Variants in TPP2 observed in about 807,000 individuals in gnomAD.
TPP2 encodes tripeptidyl peptidase 2.
A neutral mutation model predicts 155.9 loss-of-function variants in TPP2; 34 were observed. The ratio of observed to expected loss-of-function variants is 0.22; its 90% confidence interval spans 0.17 to 0.29. The LOEUF (loss-of-function observed/expected upper bound fraction) is 0.29, where lower values mean the gene tolerates loss of function less well. Among genes scored for constraint, TPP2 ranks in the 10% least tolerant of loss-of-function variants. The probability of loss-of-function intolerance (pLI) is 1.00; values close to 1 mark genes in which losing one functional copy is unlikely to be tolerated. For missense variants in TPP2, 1,028 were observed against 1,522.3 expected, an observed-to-expected ratio of 0.68 and a Z score of 5.40; for synonymous variants, 510 against 529.4, an observed-to-expected ratio of 0.96 and a Z score of 0.50.
chr13:102,607,740 T>A, intron 2 of TPP2: 1 of 403,154 alleles, frequency 2.5e-6, no homozygotes, highest in South Asian at 1.7e-5. Flanking sequence ...GCATGCGCCA[T>A]GACACTTGGC....
At position 102,604,579 on chromosome 13, in the gene TPP2, G is replaced by A. The variant is rs555399692; in HGVS notation, c.166-214G>A. ...AATGCTCAGTAAATATTTGTTTATT[G>A]AATATATGAAACGACTTGAAGGATT... On this transcript the variant is annotated intron_variant, in intron 1 of 29. Coordinates refer to ENST00000376052, the MANE Select transcript of TPP2 (RefSeq NM_001330588.2). Among the ~76,000 whole-genome samples the A allele has an allele frequency of 2.6e-5, 4 of 152,230 alleles. No homozygotes were observed. In the South Asian group the frequency reaches 8.3e-4, roughly 32 times the overall value.
At position 102,678,410 on chromosome 13, in the gene TPP2, T is replaced by G; in HGVS notation, c.*94T>G. 3 of 1,007,100 alleles carry G rather than the reference T, an allele frequency of 3.0e-6. No homozygotes were observed. The South Asian group carries it at 4.2e-5, about 14-fold the overall frequency. The allele number at this position is 1,007,100 out of a possible 1,614,324, so 62.4% of individuals were successfully genotyped here. On this transcript the variant is annotated 3_prime_UTR_variant, in exon 30 of 30. Transcript: ENST00000376052. ...TGGCATTTTTAGTCTAATGCATGTT[T>G]TCATCCACTATCCAGTACTGATTAT...
rs758298408 is a variant in TPP2 at position 102,644,522 on chromosome 13, GAA to G, written c.2176-32_2176-31del. 6.0e-6 allele frequency: 9 copies of G among 1,488,972 alleles called. No individual in the cohort carries two copies. In the African/African-American group the frequency reaches 1.1e-4, roughly 19 times the overall value. 92.2% of individuals were successfully genotyped at this position (1,488,972 alleles called of 1,614,324 possible). A position where few individuals can be genotyped will look rare whatever the true frequency, so the allele number is the denominator to read the frequency against. ...ATATTCTGTAATTTGAGAAAAATAA[GAA>G]AAGAGATATATTTTATTTACTTTTA... is the stretch of plus-strand genomic sequence containing the variant. On this transcript the variant is annotated intron_variant, in intron 17 of 29. Transcript: ENST00000376052.
At chr13:102,653,082 G>A (rs1279546014) in intron 24 of TPP2, among the ~76,000 whole-genome samples, 1 of 152,118 alleles carries the variant, frequency 6.6e-6, no homozygotes, top group African/African-American at 2.4e-5. Context: ...GAATGAATAG[G>A]AAGGCATTTA....
At chr13:102,605,329 G>A (rs1048716116) in intron 2 of TPP2, among the ~76,000 whole-genome samples, 2 of 152,202 alleles carry the variant, frequency 1.3e-5, no homozygotes, top group South Asian at 2.1e-4. Context: ...GAGTCCCCAC[G>A]ATGAAAGCCA....
chr13:102,674,596 C>G, intron 28 of TPP2, 106 bp downstream of exon 28: 1 of 1,098,320 alleles, frequency 9.1e-7, no homozygotes, highest in Non-Finnish European at 1.3e-6. Context: ...TGGAAAGAAT[C>G]TACGCTGGGC....
chr13:102,649,574 G>T, intron 23 of TPP2, 88 bp downstream of exon 23: 1 of 1,177,910 alleles, frequency 8.5e-7, no homozygotes, highest in Non-Finnish European at 1.2e-6. Context: ...TTTCAGAATG[G>T]ATAAAAGAGA....
At chr13:102,657,729 C>T (rs1247388763) in intron 25 of TPP2, among the ~76,000 whole-genome samples, 1 of 152,024 alleles carries the variant, frequency 6.6e-6, no homozygotes, top group African/African-American at 2.4e-5. Context: ...CATGATGCTG[C>T]GATAAACATT....
rs5806315 is a variant in TPP2 at position 102,640,641 on chromosome 13, A to ATTTTTTTTTTT, written c.2020+283_2020+293dup. Among the ~76,000 whole-genome samples, 59 of 84,234 alleles carry ATTTTTTTTTTT rather than the reference A, an allele frequency of 7.0e-4. 5 individuals carry two copies. Among genetic ancestry groups the ATTTTTTTTTTT allele is most frequent in the Non-Finnish European group, 9.8e-4 (46 of 47,056 alleles). The allele number at this position is 84,234 out of a possible 152,430, so 55.3% of individuals were successfully genotyped here. A position where few individuals can be genotyped will look rare whatever the true frequency, so the allele number is the denominator to read the frequency against. ...TAGAATAATGCCTTACCTGGTAATAATTTTTTTTTTTTTTTTTTTTTTTTT... is the reference window on the plus strand; with the variant it reads ...TAGAATAATGCCTTACCTGGTAATAATTTTTTTTTTTTTTTTTTTTTTTTTTTTTTTTTTTT... On this transcript the variant is annotated intron_variant, in intron 16 of 29. Coordinates refer to ENST00000376052, the MANE Select transcript of TPP2 (RefSeq NM_001330588.2).
At position 102,636,291 on chromosome 13, in the gene TPP2, C is replaced by A; in HGVS notation, c.1577C>A (p.Thr526Asn). 1.2e-6 allele frequency: 2 copies of A among 1,613,856 alleles called. No individual in the cohort carries two copies. Among genetic ancestry groups the A allele is most frequent in the East Asian group, 2.2e-5 (1 of 44,874 alleles). ...GCTAATAAATTAGGTTTTACTGTTACTGTTGGAAATAACCGTGGCATCTAC... is the reference window on the plus strand; with the variant it reads ...GCTAATAAATTAGGTTTTACTGTTAATGTTGGAAATAACCGTGGCATCTAC... ...SFANKLGFTV[T>N]VGNNRGIYLR... The change falls in exon 13 of 30, where the codon ACT (threonine) becomes AAT (asparagine). Residue 526 changes from threonine (T) to asparagine (N), a missense_variant. This residue lies in a region of TPP2 where 325 missense variants were observed against 463.7 expected (regional missense o/e 0.70). Coordinates refer to ENST00000376052, the MANE Select transcript of TPP2 (RefSeq NM_001330588.2).
At position 102,639,787 on chromosome 13, in the gene TPP2, A is replaced by C. The variant is rs183646715; in HGVS notation, c.1914-483A>C. Reference sequence around the variant, plus strand: ...ACTTTATTTCATTGATTTCTTACAAAAGTGCTTTGAAAGTAGTTTGCCTTT... The same window carrying C: ...ACTTTATTTCATTGATTTCTTACAACAGTGCTTTGAAAGTAGTTTGCCTTT... On this transcript the variant is annotated intron_variant, in intron 15 of 29. Coordinates refer to ENST00000376052, the MANE Select transcript of TPP2 (RefSeq NM_001330588.2). Among the ~76,000 whole-genome samples, 278 of 152,304 alleles carry C rather than the reference A, an allele frequency of 1.8e-3. 1 individual carries two copies. The highest frequency in any genetic ancestry group is 2.7e-3 in the Non-Finnish European group (181 of 68,032).
chr13:102,613,056 G>T (rs1566323000), intron 2 of TPP2, among the ~76,000 whole-genome samples: 1 of 152,186 alleles, frequency 6.6e-6, no homozygotes, highest in Non-Finnish European at 1.5e-5. Context: ...TTAAAGTTCA[G>T]AATTCCTATT....
chr13:102,675,277 G>A (rs1323941475), intron 28 of TPP2, among the ~76,000 whole-genome samples: 1 of 152,118 alleles, frequency 6.6e-6, no homozygotes, highest in Non-Finnish European at 1.5e-5. Context: ...ATTTAAAGAA[G>A]GTACTCAGTT....
intron 2 of TPP2, among the ~76,000 whole-genome samples, chr13:102,612,794 TTA>T (rs1194555490): frequency 2.6e-5 from 4 of 152,200 alleles, no homozygotes; most frequent in African/African-American, 9.7e-5. Context: ...TTATTGTACT[TTA>T]TGTTTTTTTA....
chr13:102,625,109 C>T (rs6491700), intron 6 of TPP2, among the ~76,000 whole-genome samples: 71,554 of 146,100 alleles, frequency 0.49, 17,935 homozygotes, highest in African/African-American at 0.59. Context: ...CCACCCGCCT[C>T]GGCCTCCCAA....
At chr13:102,646,634 C>T (rs1273825645) in intron 20 of TPP2, among the ~76,000 whole-genome samples, 1 of 152,192 alleles carries the variant, frequency 6.6e-6, no homozygotes, top group African/African-American at 2.4e-5. Context: ...TATAAAATCA[C>T]TGATCACTGT....
In TPP2 at chr13:102,629,337, A is replaced by G. The variant is rs1486230149; in HGVS notation, c.1017-145A>G. 3.3e-6 allele frequency: 3 copies of G among 899,142 alleles called. No individual in the cohort carries two copies. In the East Asian group the frequency reaches 9.5e-5, roughly 28 times the overall value. The allele number at this position is 899,142 out of a possible 1,614,324, so 55.7% of individuals were successfully genotyped here. ...CTACCCTAAAGCCCAAGTAGGGTAT[A>G]TCACTTAGAATGGCTGTATCATGTT... is the stretch of plus-strand genomic sequence containing the variant. On this transcript the variant is annotated intron_variant, in intron 8 of 29. Transcript: ENST00000376052.
chr13:102,677,981 A>G (rs1445209540), intron 29 of TPP2, among the ~76,000 whole-genome samples: 1 of 152,150 alleles, frequency 6.6e-6, no homozygotes, highest in Non-Finnish European at 1.5e-5. Flanking sequence ...TTAATAGGAA[A>G]GAGGGAAAAG....
intron 2 of TPP2, among the ~76,000 whole-genome samples, chr13:102,607,346 G>A (rs777782619): frequency 1.1e-4 from 16 of 152,180 alleles, no homozygotes; most frequent in Admixed American, 2.6e-4. Context: ...CTTTCTGAGT[G>A]CCAACATGAC....
Sources: allele counts gnomAD v4.1 joint callset (sites outside exome capture counted in the v4.1 genomes callset), GRCh38; gene constraint gnomAD v4.1.1; regional missense constraint gnomAD v4.1.1; transcripts MANE v1.5; gene names NCBI Gene and HGNC (gene_info 2026-07-23, HGNC 2026-07-21).